PXDN: variants seen among roughly 807,000 people sequenced by gnomAD.
PXDN encodes the protein peroxidasin homolog.
In PXDN, 77 loss-of-function variants were observed where a neutral mutation model predicts 140.3. The observed-to-expected ratio is 0.55, with a 90% CI of 0.46 to 0.66. The LOEUF is 0.66. PXDN is among the 30% of genes least tolerant of loss of function. PXDN has a pLI of 0.00. For missense variants in PXDN, 1,838 were observed against 2,039.5 expected, an observed-to-expected ratio of 0.90 and a Z score of 1.90; for synonymous variants, 911 against 857.4, an observed-to-expected ratio of 1.06 and a Z score of -1.09.
At position 1,737,122 on chromosome 2, in the gene PXDN, T is replaced by C. The variant is rs187290732; in HGVS notation, c.200+7134A>G. On this transcript the variant is annotated intron_variant, in intron 1 of 22. Transcript: ENST00000252804. ...CTGGACAGGAGCAGGGCATGAACCC[T>C]GCTTTCCACGGGCAGATGACGCAGG... Among the ~76,000 whole-genome samples the C allele has an allele frequency of 3.6e-3, 547 of 152,288 alleles. 3 individuals are homozygous for C. Among genetic ancestry groups the C allele is most frequent in the African/African-American group, 0.013 (530 of 41,554 alleles).
At chr2:1,738,454 T>TCAAGCG in intron 1 of PXDN, among the ~76,000 whole-genome samples, 1 of 152,250 alleles carries the variant, frequency 6.6e-6, no homozygotes, top group East Asian at 1.9e-4. Flanking sequence ...CTTCTTACTG[T>TCAAGCG]CAAGCGCAAA....
rs115594029 is a variant in PXDN, at chr2:1,676,773, G to A, written c.848+154C>T. Among the ~76,000 whole-genome samples, 1,797 of 152,354 alleles carry A rather than the reference G, an allele frequency of 0.012. 31 individuals carry two copies. The highest frequency in any genetic ancestry group is 0.036 in the African/African-American group (1,504 of 41,590). ...GTCACACCCCCTGCCATGTAAGACC[G>A]GAAAAGGAGCAGAAATAGTTTCTCC... On this transcript the variant is annotated intron_variant, in intron 8 of 22. Transcript: ENST00000252804.
At chr2:1,731,536 G>C (rs1685315305) in intron 1 of PXDN, among the ~76,000 whole-genome samples, 1 of 152,196 alleles carries the variant, frequency 6.6e-6, no homozygotes, top group Admixed American at 6.5e-5. Flanking sequence ...TTCAGGCGGG[G>C]CACAGCTGGG....
At chr2:1,679,996 G>T (rs1351446045) in intron 7 of PXDN, among the ~76,000 whole-genome samples, 197 bp downstream of exon 7, 1 of 128,742 alleles carries the variant, frequency 7.8e-6, no homozygotes, top group African/African-American at 3.0e-5. Flanking sequence ...TGTGTAAATG[G>T]TATGTGTGTG....
intron 1 of PXDN, among the ~76,000 whole-genome samples, chr2:1,736,933 A>G (rs1397075364): frequency 6.6e-6 from 1 of 152,200 alleles, no homozygotes; most frequent in African/African-American, 2.4e-5. Context: ...TTAACTGTAG[A>G]ACAAAAGACA....
chr2:1,688,443 A>G (rs182854168), intron 3 of PXDN, among the ~76,000 whole-genome samples: 56 of 152,334 alleles, frequency 3.7e-4, no homozygotes, highest in Non-Finnish European at 7.5e-4. Context: ...CTGCACAGAA[A>G]ACACTTGCCA....
chr2:1,666,067 A>G (rs1683427006), intron 10 of PXDN, 147 bp downstream of exon 10: 9 of 1,148,490 alleles, frequency 7.8e-6, no homozygotes, highest in South Asian at 1.6e-5. Flanking sequence ...TATTTAGTCC[A>G]AGGGGGGTGT....
intron 3 of PXDN, among the ~76,000 whole-genome samples, chr2:1,691,258 C>T (rs1175945191): frequency 6.6e-6 from 1 of 152,220 alleles, no homozygotes; most frequent in Admixed American, 6.5e-5. Flanking sequence ...ACGACACACA[C>T]TTCGTCACCT....
intron 1 of PXDN, among the ~76,000 whole-genome samples, chr2:1,696,763 T>C (rs1315250176): frequency 1.3e-5 from 2 of 152,186 alleles, no homozygotes; most frequent in Non-Finnish European, 2.9e-5. Flanking sequence ...ACAACACAGC[T>C]ACATCTGCAC....
At chr2:1,721,763 C>T (rs935837009) in intron 1 of PXDN, among the ~76,000 whole-genome samples, 35 of 152,108 alleles carry the variant, frequency 2.3e-4, no homozygotes, top group Admixed American at 2.3e-3. Context: ...GGAGGTGGAG[C>T]TTGCAGTGCC....
chr2:1,656,458 C>T (rs906172415), intron 14 of PXDN, among the ~76,000 whole-genome samples: 14 of 152,342 alleles, frequency 9.2e-5, no homozygotes, highest in Admixed American at 7.8e-4. Context: ...AAGCTTCTTT[C>T]ACTTGGCTGC....
chr2:1,684,186 C>G, intron 4 of PXDN, 35 bp from the exon 5 acceptor site: 1 of 1,523,252 alleles, frequency 6.6e-7, no homozygotes, highest in Non-Finnish European at 8.9e-7. Context: ...GTATAACTTA[C>G]AATTTATTTT....
chr2:1,673,255 C>G (rs1488756029), intron 9 of PXDN, among the ~76,000 whole-genome samples: 1 of 152,172 alleles, frequency 6.6e-6, no homozygotes, highest in Admixed American at 6.5e-5. Flanking sequence ...AATCCAAGCC[C>G]TTAGCAAAAT....
chr2:1,729,746 G>A (rs1355941623), intron 1 of PXDN, among the ~76,000 whole-genome samples: 4 of 152,094 alleles, frequency 2.6e-5, no homozygotes, highest in Admixed American at 1.3e-4. Flanking sequence ...GAAATGTGCC[G>A]TAAAAACAAT....
chr2:1,644,510 AC>A lies in PXDN; in HGVS notation c.3743+107del, dbSNP rs1470478050. 4 of 1,271,916 alleles carry A rather than the reference AC, an allele frequency of 3.1e-6. No homozygotes were observed. The Admixed American group carries it at 8.3e-5, about 26-fold the overall frequency. 78.8% of individuals were successfully genotyped at this position (1,271,916 alleles called of 1,614,324 possible). ...TCTCAACCGGGGACACACAGAAGAC[AC>A]TAGGGCCTCGTGCCTCCCTCAGTCT... On this transcript the variant is annotated intron_variant, in intron 18 of 22. Transcript: ENST00000252804.
rs960827551 is a variant in PXDN at position 1,660,978 on chromosome 2, G to A, written c.1740C>T (p.Thr580=). 1.9e-6 allele frequency: 3 copies of A among 1,613,890 alleles called. No homozygotes were observed. The highest frequency in any genetic ancestry group is 2.5e-6 in the Non-Finnish European group (3 of 1,179,888). The change falls in exon 14 of 23, where the codon ACC becomes ACT. Residue 580 remains threonine, a synonymous_variant. Transcript: ENST00000252804. The surrounding 1 kb of genome is among the most constrained non-coding windows in gnomAD (Gnocchi z 4.6). The part of the protein sequence containing the change: ...KFHISPEGFL[T]INDVGPADAG... Reference sequence around the variant, plus strand: ...CGTCTGCAGGGCCAACGTCATTGATGGTCAAGAATCCTTCAGGGCTGATGT... The same window carrying A: ...CGTCTGCAGGGCCAACGTCATTGATAGTCAAGAATCCTTCAGGGCTGATGT...
At chr2:1,698,928 T>C (rs1684357790) in intron 1 of PXDN, among the ~76,000 whole-genome samples, 1 of 152,210 alleles carries the variant, frequency 6.6e-6, no homozygotes, top group African/African-American at 2.4e-5. Context: ...CAAGTGAACT[T>C]CAAGTCAAGG....
At chr2:1,677,252 G>T (rs547831716) in intron 7 of PXDN, among the ~76,000 whole-genome samples, 20 of 152,128 alleles carry the variant, frequency 1.3e-4, no homozygotes, top group Non-Finnish European at 2.6e-4. Flanking sequence ...TATGCCTCAG[G>T]GTGCCATGTT....
intron 16 of PXDN, among the ~76,000 whole-genome samples, chr2:1,652,576 C>T (rs1490482648): frequency 2.0e-5 from 3 of 152,042 alleles, no homozygotes; most frequent in African/African-American, 7.2e-5. Context: ...CCAACTCCAA[C>T]ATTTCCTGCC....
Sources: gnomAD v4.1 joint callset for allele counts (sites outside exome capture counted in the v4.1 genomes callset) on GRCh38, gnomAD v4.1.1 for gene constraint, Gnocchi (gnomAD v3.1) non-coding constraint, MANE v1.5 for transcripts, NCBI Gene and HGNC (gene_info 2026-07-23, HGNC 2026-07-21) for gene names.